Variants in SLC27A4 observed in about 807,000 individuals in gnomAD.
SLC27A4 encodes the protein long-chain fatty acid transport protein 4.
In SLC27A4, 33 loss-of-function variants were observed where a neutral mutation model predicts 64.4. The ratio of observed to expected loss-of-function variants is 0.51; its 90% CI spans 0.39 to 0.68. The LOEUF (loss-of-function observed/expected upper bound fraction) is 0.68, where lower values mean the gene tolerates loss of function less well. Among genes scored for constraint, SLC27A4 ranks in the 30% least tolerant of loss-of-function variants. The probability of loss-of-function intolerance (pLI) is 0.00; values close to 1 mark genes in which losing one functional copy is unlikely to be tolerated. For missense variants in SLC27A4, 824 were observed against 883.5 expected (o/e 0.93, Z 0.85); for synonymous variants, 377 against 370.0 (o/e 1.02, Z -0.22).
chr9:128,354,728 A>T (rs1262226242), intron 9 of SLC27A4, among the ~76,000 whole-genome samples: 5 of 151,768 alleles, frequency 3.3e-5, no homozygotes, highest in African/African-American at 1.2e-4. Context: ...CGGGTGGATC[A>T]CCTGAGGTCA....
intron 9 of SLC27A4, among the ~76,000 whole-genome samples, chr9:128,354,653 GAC>G (rs1352121757): frequency 6.6e-6 from 1 of 151,918 alleles, no homozygotes; most frequent in Admixed American, 6.6e-5. Context: ...ATCAGATCAA[GAC>G]ACAGAGTACA....
intron 12 of SLC27A4, among the ~76,000 whole-genome samples, chr9:128,360,028 G>A (rs1165377193): frequency 1.3e-5 from 2 of 152,140 alleles, no homozygotes; most frequent in Non-Finnish European, 2.9e-5. Context: ...GAAGACCTCC[G>A]TTCTGGTCCC....
intron 4 of SLC27A4, among the ~76,000 whole-genome samples, chr9:128,349,683 G>A (rs527424982): frequency 2.6e-5 from 4 of 152,274 alleles, no homozygotes; most frequent in East Asian, 1.9e-4. Flanking sequence ...TTCTAAACAC[G>A]TGGAGTCTGC....
chr9:128,348,180 G>A (rs1259783946), intron 3 of SLC27A4, among the ~76,000 whole-genome samples: 1 of 152,130 alleles, frequency 6.6e-6, no homozygotes, highest in African/African-American at 2.4e-5. Flanking sequence ...GTGGGGGGGA[G>A]CCCAGACCTT....
At position 128,353,257 on chromosome 9, in the gene SLC27A4, C is replaced by T. The variant is rs766439142; in HGVS notation, c.1197+23C>T. The T allele has an allele frequency of 3.1e-6, 5 of 1,612,356 alleles. No homozygotes were observed. The highest frequency in any genetic ancestry group is 2.2e-5 in the South Asian group (2 of 91,032). On this transcript the variant is annotated intron_variant, in intron 8 of 12. Transcript: ENST00000300456. The surrounding 1 kb of genome is among the most constrained non-coding windows in gnomAD (Gnocchi z 4.9). ...CAGGTGCGGCCAGGTTGGGGATGGGCGAGGCTGCTGCAGGGATGGCCCACA... is the reference window on the plus strand; with the variant it reads ...CAGGTGCGGCCAGGTTGGGGATGGGTGAGGCTGCTGCAGGGATGGCCCACA...
rs1410890321 is a variant in SLC27A4 at position 128,360,355 on chromosome 9, C to T, written c.1796C>T (p.Thr599Ile). The change falls in exon 13 of 13, where the codon ACA becomes ATA. Residue 599 changes from threonine (T) to isoleucine (I), a missense_variant. By Grantham distance (89) the Thr-to-Ile change is moderately conservative. Coordinates refer to ENST00000300456, the MANE Select transcript of SLC27A4 (RefSeq NM_005094.4). The stretch of plus-strand genomic sequence containing the variant: ...CCAGGAACCTACAAGTTCCAGAAGA[C>T]AGAGCTACGGAAGGAGGGCTTTGAC... ...HKTGTYKFQK[T>I]ELRKEGFDPA... 6.2e-7 allele frequency: 1 copy of T among 1,614,148 alleles called. No individual in the cohort carries two copies. The highest frequency in any genetic ancestry group is 2.2e-5 in the East Asian group (1 of 44,880).
At chr9:128,355,824 G>C (rs752005081) in intron 12 of SLC27A4, 28 bp downstream of exon 12, 2 of 1,611,024 alleles carry the variant, frequency 1.2e-6, no homozygotes, top group African/African-American at 2.7e-5. Flanking sequence ...TCCAGCTCTC[G>C]GATCCCAGGT....
In SLC27A4 at chr9:128,345,149, A is replaced by G. The variant is rs1344836187; in HGVS notation, c.162-6A>G. 1 of 1,613,362 alleles carries G rather than the reference A, an allele frequency of 6.2e-7. No homozygotes were observed. The highest frequency in any genetic ancestry group is 8.5e-7 in the Non-Finnish European group (1 of 1,180,006). On this transcript the variant is annotated splice_polypyrimidine_tract_variant and splice_region_variant and intron_variant, in intron 2 of 12. Transcript: ENST00000300456. This position sits in a 1 kb window ranked among gnomAD's most constrained non-coding sequence, Gnocchi z 4.1. Reference sequence around the variant, plus strand: ...AGACACAGCGCCCTCTCTTGTTCACACACAGTGGCGGCCTGGTCCTCCTGA... The same window carrying G: ...AGACACAGCGCCCTCTCTTGTTCACGCACAGTGGCGGCCTGGTCCTCCTGA...
At position 128,341,094 on chromosome 9, in the gene SLC27A4, C is replaced by T. The variant is rs1008535322; in HGVS notation, c.-7+256C>T. On this transcript the variant is annotated intron_variant, in intron 1 of 12. Transcript: ENST00000300456. The stretch of plus-strand genomic sequence containing the variant: ...ACAGGTTCCTGCCCCTCTGCTATGG[C>T]GGGCTATGGGAGGCCAGAGATCTGA... 2.6e-5 allele frequency among the ~76,000 whole-genome samples: 4 copies of T among 152,206 alleles called. No homozygotes were observed. In the East Asian group the frequency reaches 5.8e-4, roughly 22 times the overall value.
intron 1 of SLC27A4, chr9:128,342,345 GAAGC>G: frequency 6.2e-7 from 1 of 1,611,898 alleles, no homozygotes; most frequent in Non-Finnish European, 8.5e-7. Context: ...TTGAACAGGA[GAAGC>G]AAGCAAGCGA....
In SLC27A4 at chr9:128,350,311, G is replaced by A. The variant is rs1588559786; in HGVS notation, c.716-1G>A. 1 of 1,612,772 alleles carries A rather than the reference G, an allele frequency of 6.2e-7. No homozygotes were observed. The highest frequency in any genetic ancestry group is 8.5e-7 in the Non-Finnish European group (1 of 1,180,006). The stretch of plus-strand genomic sequence containing the variant: ...CAGCCACTCGCGTCTGTTTTCTTTA[G>A]ATAAACTGTTCTACATCTACACATC... On this transcript the variant is annotated splice_acceptor_variant, in intron 4 of 12. Coordinates refer to ENST00000300456, the MANE Select transcript of SLC27A4 (RefSeq NM_005094.4). LOFTEE classifies it high-confidence loss of function.
chr9:128,346,961 C>T (rs557721139), intron 3 of SLC27A4, among the ~76,000 whole-genome samples: 8 of 152,086 alleles, frequency 5.3e-5, no homozygotes, highest in African/African-American at 1.2e-4. Flanking sequence ...GCCGAGATCA[C>T]GTCACTGTGT....
chr9:128,355,160 T>C lies in SLC27A4; in HGVS notation c.1432T>C (p.Phe478Leu). The C allele has an allele frequency of 6.2e-7, 1 of 1,613,650 alleles. No individual in the cohort carries two copies. Among genetic ancestry groups the C allele is most frequent in the Non-Finnish European group, 8.5e-7 (1 of 1,179,838 alleles). The stretch of plus-strand genomic sequence containing the variant: ...CAACAAGAAGATTGCCAAGGATGTC[T>C]TCAAGAAGGGGGACCAGGCCTACCT... Reference protein sequence around the residue: ...ANNKKIAKDVFKKGDQAYLTG... With the variant: ...ANNKKIAKDVLKKGDQAYLTG... The change falls in exon 10 of 13, where the codon TTC (phenylalanine) becomes CTC (leucine). Residue 478 changes from phenylalanine (F) to leucine (L), a missense_variant. Coordinates refer to ENST00000300456, the MANE Select transcript of SLC27A4 (RefSeq NM_005094.4).
In SLC27A4 at chr9:128,360,420, C is replaced by G. The variant is rs1225755078; in HGVS notation, c.1861C>G (p.Gln621Glu). The G allele has an allele frequency of 1.2e-6, 2 of 1,614,134 alleles. No homozygotes were observed. The highest frequency in any genetic ancestry group is 1.7e-6 in the Non-Finnish European group (2 of 1,180,026). Residue 621 changes from glutamine (Q) to glutamate (E), a missense_variant, in exon 13 of 13, where the codon CAG becomes GAG. Transcript: ENST00000300456. ...VKDPLFYLDA[Q>E]KGRYVPLDQE... The stretch of plus-strand genomic sequence containing the variant: ...AGACCCGCTGTTCTATCTAGATGCC[C>G]AGAAGGGCCGCTACGTCCCGCTGGA...
At chr9:128,344,849 C>T (rs1411801408) in intron 2 of SLC27A4, among the ~76,000 whole-genome samples, 1 of 152,136 alleles carries the variant, frequency 6.6e-6, no homozygotes, top group Non-Finnish European at 1.5e-5. Context: ...ACTCTGGAGC[C>T]AGAGAGGCCT....
At chr9:128,352,003 G>A (rs1433476920) in intron 6 of SLC27A4, among the ~76,000 whole-genome samples, 1 of 148,822 alleles carries the variant, frequency 6.7e-6, no homozygotes, top group East Asian at 2.0e-4. Context: ...TGGCTAACAC[G>A]ATGAAACCCC....
At position 128,343,112 on chromosome 9, in the gene SLC27A4, G is replaced by A; in HGVS notation, c.-6-15G>A. The A allele has an allele frequency of 6.2e-7, 1 of 1,612,708 alleles. No homozygotes were observed. Among genetic ancestry groups the A allele is most frequent in the Non-Finnish European group, 8.5e-7 (1 of 1,179,810 alleles). On this transcript the variant is annotated splice_polypyrimidine_tract_variant and intron_variant, in intron 1 of 12. Transcript: ENST00000300456. The stretch of plus-strand genomic sequence containing the variant: ...GGTTGGGTGTTTGGGTCCACTAACT[G>A]CCCTGTGTCCGCAGGCCACAATGCT...
chr9:128,346,646 G>C (rs1409087685), intron 3 of SLC27A4, among the ~76,000 whole-genome samples: 11 of 151,936 alleles, frequency 7.2e-5, no homozygotes, highest in Admixed American at 7.2e-4. Flanking sequence ...AGGCTGCAGT[G>C]AGTGATGATT....
intron 4 of SLC27A4, among the ~76,000 whole-genome samples, chr9:128,349,197 C>A (rs983376103): frequency 5.3e-5 from 8 of 152,238 alleles, no homozygotes; most frequent in Non-Finnish European, 1.2e-4. Context: ...GAGCCTCTCA[C>A]CCCTCTTCTT....
Sources: allele counts gnomAD v4.1 joint callset (sites outside exome capture counted in the v4.1 genomes callset), GRCh38; gene constraint gnomAD v4.1.1; non-coding constraint Gnocchi (gnomAD v3.1); transcripts MANE v1.5; gene names NCBI Gene and HGNC (gene_info 2026-07-23, HGNC 2026-07-21).